MS4A6A: variants seen among roughly 807,000 people sequenced by gnomAD.
MS4A6A encodes membrane-spanning 4-domains subfamily A member 6A.
Under a neutral mutation model 20.6 loss-of-function variants are expected in MS4A6A, and 19 were observed. The observed-to-expected ratio is 0.92, with a 90% CI of 0.64 to 1.36. The LOEUF is 1.36. Among genes scored for constraint, MS4A6A ranks in the 40% most tolerant of loss-of-function variants. MS4A6A has a pLI of 0.00. For missense variants in MS4A6A, 272 were observed against 261.1 expected, an observed-to-expected ratio of 1.04 and a Z score of -0.29; for synonymous variants, 108 against 105.0, an observed-to-expected ratio of 1.03 and a Z score of -0.17.
At chr11:60,174,733 A>AT (rs1462609236) in intron 5 of MS4A6A, among the ~76,000 whole-genome samples, 1 of 151,984 alleles carries the variant, frequency 6.6e-6, no homozygotes, top group Non-Finnish European at 1.5e-5. Context: ...AAACTTCATT[A>AT]TTTTTCTTCT....
In MS4A6A at chr11:60,172,861, T is replaced by C. The variant is rs1856648310; in HGVS notation, c.*140A>G. On this transcript the variant is annotated 3_prime_UTR_variant, in exon 6 of 6. Coordinates refer to ENST00000528851, the MANE Select transcript of MS4A6A (RefSeq NM_022349.4). ...AATTTTCAGCTTATCAGCTACTCAA[T>C]TGCCATCTGCTTTTCTTCTCTGTCT... The C allele has an allele frequency of 1.4e-6, 2 of 1,479,110 alleles. No individual in the cohort carries two copies. The highest frequency in any genetic ancestry group is 1.8e-6 in the Non-Finnish European group (2 of 1,112,044). The allele number at this position is 1,479,110 out of a possible 1,614,324, so 91.6% of individuals were successfully genotyped here.
rs61282517 is a variant in MS4A6A at position 60,173,418 on chromosome 11, G to A, written c.550-289C>T. On this transcript the variant is annotated intron_variant, in intron 5 of 5. Transcript: ENST00000528851. ...AGACATCCATAGTTCTGATGACATTGTTCACTCGGTAAGAAAGCAGAGTGG... is the reference window on the plus strand; with the variant it reads ...AGACATCCATAGTTCTGATGACATTATTCACTCGGTAAGAAAGCAGAGTGG... Among the ~76,000 whole-genome samples, 1,407 of 152,306 alleles carry A rather than the reference G, an allele frequency of 9.2e-3. 19 individuals are homozygous for A. The highest frequency in any genetic ancestry group is 0.031 in the African/African-American group (1,296 of 41,566).
rs1857112674 is a variant in MS4A6A, at chr11:60,181,091, A to C, written c.147+490T>G. On this transcript the variant is annotated intron_variant, in intron 2 of 5. Coordinates refer to ENST00000528851, the MANE Select transcript of MS4A6A (RefSeq NM_022349.4). Reference sequence around the variant, plus strand: ...TTCATGCAATACAGCTTCTTTAATAAATTCTGGGTGAGAGGAGAAACAGAC... The same window carrying C: ...TTCATGCAATACAGCTTCTTTAATACATTCTGGGTGAGAGGAGAAACAGAC... The C allele has an allele frequency of 5.5e-5, 25 of 452,642 alleles. 1 individual carries two copies. The highest frequency in any genetic ancestry group is 3.9e-4 in the South Asian group (25 of 63,972). 28.0% of individuals were successfully genotyped at this position (452,642 alleles called of 1,614,324 possible).
In MS4A6A at chr11:60,172,668, T is replaced by C. The variant is rs186332028; in HGVS notation, c.*333A>G. 2.7e-4 allele frequency: 311 copies of C among 1,160,856 alleles called. 2 individuals are homozygous for C. The African/African-American group carries it at 4.6e-3, about 17-fold the overall frequency. The allele number at this position is 1,160,856 out of a possible 1,614,324, so 71.9% of individuals were successfully genotyped here. ...TAGTGGTTGTGGCAGAAATTGTTTC[T>C]GCTTATAAGGGAGGCAAGCCAGGTT... On this transcript the variant is annotated 3_prime_UTR_variant, in exon 6 of 6. Transcript: ENST00000528851.
intron 3 of MS4A6A, among the ~76,000 whole-genome samples, chr11:60,179,186 G>GA (rs1241553031): frequency 2.0e-5 from 3 of 152,062 alleles, no homozygotes; most frequent in Non-Finnish European, 4.4e-5. Context: ...GAAGTTGAAG[G>GA]AAAAAACATC....
At position 60,183,029 on chromosome 11, in the gene MS4A6A, C is replaced by T. The variant is rs1397186369; in HGVS notation, c.-66G>A. On this transcript the variant is annotated 5_prime_UTR_variant, in exon 1 of 6. Transcript: ENST00000528851. ...CTCAGAAGCTCCAAAGAGGTTTTAA[C>T]TCTGGTTTCTCAGTCCCATCAACGG... The T allele has an allele frequency of 7.0e-7, 1 of 1,433,076 alleles. No individual in the cohort carries two copies. Among genetic ancestry groups the T allele is most frequent in the Admixed American group, 2.9e-5 (1 of 34,354 alleles). The allele number at this position is 1,433,076 out of a possible 1,614,324, so 88.8% of individuals were successfully genotyped here.
At position 60,173,211 on chromosome 11, in the gene MS4A6A, G is replaced by A. The variant is rs1856671877; in HGVS notation, c.550-82C>T. 4.2e-6 allele frequency: 5 copies of A among 1,184,734 alleles called. No individual in the cohort carries two copies. The South Asian group carries it at 6.1e-5, about 15-fold the overall frequency. 73.4% of individuals were successfully genotyped at this position (1,184,734 alleles called of 1,614,324 possible). A position where few individuals can be genotyped will look rare whatever the true frequency, so the allele number is the denominator to read the frequency against. On this transcript the variant is annotated intron_variant, in intron 5 of 5. Coordinates refer to ENST00000528851, the MANE Select transcript of MS4A6A (RefSeq NM_022349.4). ...CTAGTTGAGAGGTGACCATAGAGAT[G>A]AAGACCACCTCAACCATTAGAGAAT...
Position 60,183,081 on chromosome 11 carries a change from G to C in MS4A6A, c.-118C>G. 6.6e-7 allele frequency: 1 copy of C among 1,507,264 alleles called. No individual in the cohort carries two copies. The highest frequency in any genetic ancestry group is 1.3e-5 in the South Asian group (1 of 78,968). 93.4% of individuals were successfully genotyped at this position (1,507,264 alleles called of 1,614,324 possible). ...TTCTACTTACCTTCATCTTCTGAAAGTCATCAGCCCTTCCTTATTCCAGTG... is the reference window on the plus strand; with the variant it reads ...TTCTACTTACCTTCATCTTCTGAAACTCATCAGCCCTTCCTTATTCCAGTG... On this transcript the variant is annotated 5_prime_UTR_variant, in exon 1 of 6. Transcript: ENST00000528851.
At chr11:60,182,235 C>T (rs1220957715) in intron 1 of MS4A6A, 2 of 153,180 alleles carry the variant, frequency 1.3e-5, no homozygotes, top group Admixed American at 6.5e-5. Flanking sequence ...TACAACAGCT[C>T]TGCATGTTAG....
chr11:60,175,269 T>C (rs1856773211), intron 5 of MS4A6A, 133 bp downstream of exon 5: 1 of 664,762 alleles, frequency 1.5e-6, no homozygotes, highest in Non-Finnish European at 2.5e-6. Flanking sequence ...TCCCCTTTGA[T>C]TTACATAAAC....
intron 4 of MS4A6A, among the ~76,000 whole-genome samples, 172 bp from the exon 5 acceptor site, chr11:60,175,783 G>A (rs1856808025): frequency 6.6e-6 from 1 of 152,170 alleles, no homozygotes; most frequent in African/African-American, 2.4e-5. Flanking sequence ...CAATCTCCAG[G>A]GTAATTCTTG....
intron 5 of MS4A6A, among the ~76,000 whole-genome samples, chr11:60,174,211 C>T (rs1487656464): frequency 6.6e-6 from 1 of 152,188 alleles, no homozygotes; most frequent in Admixed American, 6.5e-5. Context: ...ATAATGAGTG[C>T]TATACAAACA....
chr11:60,179,470 T>C, intron 3 of MS4A6A: 1 of 572,296 alleles, frequency 1.7e-6, no homozygotes, highest in South Asian at 2.1e-5. Flanking sequence ...TGTGAGTGTG[T>C]GATGTCTTCC....
Position 60,175,510 on chromosome 11 carries a change from C to A in MS4A6A, c.441G>T (p.Leu147=). The change falls in exon 5 of 6, where the codon CTG becomes CTT. Residue 147 remains leucine, a synonymous_variant. Coordinates refer to ENST00000528851, the MANE Select transcript of MS4A6A (RefSeq NM_022349.4). ...TATTATTTTTGTCCAACTCACACTG[C>A]AGTGAGGCAGGATTTAAGGTGGCCT... ...VKQATLNPAS[L]QCELDKNNIP... is the part of the protein sequence containing the mutation. 6.2e-7 allele frequency: 1 copy of A among 1,614,034 alleles called. No individual in the cohort carries two copies. The highest frequency in any genetic ancestry group is 8.5e-7 in the Non-Finnish European group (1 of 1,179,948).
At chr11:60,181,809 G>T in intron 1 of MS4A6A, 68 bp from the exon 2 acceptor site, 1 of 1,492,806 alleles carries the variant, frequency 6.7e-7, no homozygotes, top group Non-Finnish European at 9.3e-7. Flanking sequence ...TCCAAAAACA[G>T]TAACTCAGTC....
rs1473377009 is a variant in MS4A6A at position 60,172,579 on chromosome 11, G to A, written c.*422C>T. ...CACCAGGGGCAAATGCAGAGCATAA[G>A]ACATTCACTGGATCCAGTTACGTGT... On this transcript the variant is annotated 3_prime_UTR_variant, in exon 6 of 6. Transcript: ENST00000528851. 1 of 1,128,624 alleles carries A rather than the reference G, an allele frequency of 8.9e-7. No individual in the cohort carries two copies. The highest frequency in any genetic ancestry group is 1.1e-6 in the Non-Finnish European group (1 of 918,060). 69.9% of individuals were successfully genotyped at this position (1,128,624 alleles called of 1,614,324 possible). A position where few individuals can be genotyped will look rare whatever the true frequency, so the allele number is the denominator to read the frequency against.
Position 60,172,531 on chromosome 11 carries a change from A to C in MS4A6A, c.*470T>G. 2 of 1,154,808 alleles carry C rather than the reference A, an allele frequency of 1.7e-6. No individual in the cohort carries two copies. Among genetic ancestry groups the C allele is most frequent in the Non-Finnish European group, 2.1e-6 (2 of 935,848 alleles). 71.5% of individuals were successfully genotyped at this position (1,154,808 alleles called of 1,614,324 possible). A position where few individuals can be genotyped will look rare whatever the true frequency, so the allele number is the denominator to read the frequency against. On this transcript the variant is annotated 3_prime_UTR_variant, in exon 6 of 6. Transcript: ENST00000528851. Reference sequence around the variant, plus strand: ...ACAATACATTTTTAATATAGCTTTAAAAAGGCAAACGAATTTTAAGATCAC... The same window carrying C: ...ACAATACATTTTTAATATAGCTTTACAAAGGCAAACGAATTTTAAGATCAC...
At chr11:60,174,905 A>T (rs1856759534) in intron 5 of MS4A6A, among the ~76,000 whole-genome samples, 2 of 151,426 alleles carry the variant, frequency 1.3e-5, no homozygotes, top group South Asian at 4.2e-4. Context: ...TATTGTGATC[A>T]TTAGAAGAAG....
In MS4A6A at chr11:60,173,079, A is replaced by C. The variant is rs750953546; in HGVS notation, c.600T>G (p.Ala200=). 3 of 1,614,150 alleles carry C rather than the reference A, an allele frequency of 1.9e-6. No homozygotes were observed. The highest frequency in any genetic ancestry group is 2.7e-5 in the African/African-American group (2 of 75,046). The change falls in exon 6 of 6, where the codon GCT becomes GCG. Residue 200 remains alanine (A), a synonymous_variant. Transcript: ENST00000528851. ...LICTLLEFCL[A]VLTAVLRWKQ... The stretch of plus-strand genomic sequence containing the variant: ...TCCACCGCAGCACAGCAGTGAGCAC[A>C]GCTAGGCAGAATTCCAGCAGAGTGC...
Sources: gnomAD v4.1 joint callset for allele counts (sites outside exome capture counted in the v4.1 genomes callset) on GRCh38, gnomAD v4.1.1 for gene constraint, MANE v1.5 for transcripts, NCBI Gene and HGNC (gene_info 2026-07-23, HGNC 2026-07-21) for gene names.